GALNT13: variants seen among roughly 807,000 people sequenced by gnomAD.
GALNT13 encodes UDP-GalNAc:polypeptide N-acetylgalactosaminyltransferase 13.
Under a neutral mutation model 64.2 loss-of-function variants are expected in GALNT13, and 28 were observed. That is an observed-to-expected ratio of 0.44 (90% CI 0.32 to 0.60). GALNT13 has a LOEUF of 0.60. Ranked by LOEUF, GALNT13 falls within the 20% of genes least tolerant of loss-of-function variation. The probability of loss-of-function intolerance (pLI) is 0.05; values close to 1 mark genes in which losing one functional copy is unlikely to be tolerated. For missense variants in GALNT13, 577 were observed against 669.8 expected, an observed-to-expected ratio of 0.86 and a Z score of 1.53; for synonymous variants, 214 against 224.6, an observed-to-expected ratio of 0.95 and a Z score of 0.42.
the GALNT13 span, among the ~76,000 whole-genome samples, chr2:153,706,777 G>A: frequency 6.6e-6 from 1 of 152,128 alleles, no homozygotes. Context: ...TGGAAAACAA[G>A]GAAGGTTGTA....
chr2:153,165,234 T>A, the GALNT13 span, among the ~76,000 whole-genome samples: 1 of 152,182 alleles, frequency 6.6e-6, no homozygotes, highest in African/African-American at 2.4e-5. Context: ...TATAAAACTG[T>A]GGTGAAAGAT....
chr2:153,194,738 A>C, the GALNT13 span, among the ~76,000 whole-genome samples: 1 of 152,146 alleles, frequency 6.6e-6, no homozygotes, highest in African/African-American at 2.4e-5. Context: ...GTAGAGAAAG[A>C]CTTTTTTCCT....
At chr2:153,075,630 T>A in the GALNT13 span, among the ~76,000 whole-genome samples, 2 of 152,170 alleles carry the variant, frequency 1.3e-5, no homozygotes, top group African/African-American at 4.8e-5. Context: ...TTTTAAGGAA[T>A]TGAGTTTTTT....
At chr2:153,613,221 A>G in the GALNT13 span, among the ~76,000 whole-genome samples, 29,628 of 152,078 alleles carry the variant, frequency 0.19, 3,070 homozygotes, top group African/African-American at 0.25. Flanking sequence ...GAATCAGTGC[A>G]TATTTAAGAT....
the GALNT13 span, among the ~76,000 whole-genome samples, chr2:153,179,734 T>C: frequency 1.3e-5 from 2 of 152,146 alleles, no homozygotes; most frequent in East Asian, 1.9e-4. Flanking sequence ...TTCATTAACA[T>C]TTTATAGTTT....
the GALNT13 span, among the ~76,000 whole-genome samples, chr2:153,836,998 C>T: frequency 1.3e-5 from 2 of 151,522 alleles, no homozygotes; most frequent in Non-Finnish European, 2.9e-5. Flanking sequence ...AGCAGCATGA[C>T]TTATAGTCCT....
At position 154,071,476 on chromosome 2, in the gene GALNT13, A is replaced by G. The variant is rs558201459; in HGVS notation, c.143-68861A>G. Among the ~76,000 whole-genome samples, 3 of 152,282 alleles carry G rather than the reference A, an allele frequency of 2.0e-5. No individual in the cohort carries two copies. In the South Asian group the frequency reaches 6.2e-4, roughly 32 times the overall value. On this transcript the variant is annotated intron_variant, in intron 3 of 12. Coordinates refer to ENST00000392825, the MANE Select transcript of GALNT13 (RefSeq NM_052917.4). The stretch of plus-strand genomic sequence containing the variant: ...ACAGAAAAAACATACATGCAATTTC[A>G]TCTTTTTGTTGTGGATTATATTTTT...
At chr2:153,313,348 C>A in the GALNT13 span, among the ~76,000 whole-genome samples, 1 of 152,046 alleles carries the variant, frequency 6.6e-6, no homozygotes, top group Non-Finnish European at 1.5e-5. Flanking sequence ...ACATATACAC[C>A]ATGAAATACT....
chr2:154,408,391 T>C (rs1479199080), intron 10 of GALNT13, among the ~76,000 whole-genome samples: 1 of 152,048 alleles, frequency 6.6e-6, no homozygotes, highest in Admixed American at 6.6e-5. Context: ...TTTAGCATTG[T>C]AATAGCTTTC....
intron 3 of GALNT13, among the ~76,000 whole-genome samples, chr2:154,097,657 T>C (rs1702141473): frequency 6.6e-6 from 1 of 151,308 alleles, no homozygotes; most frequent in Non-Finnish European, 1.5e-5. Flanking sequence ...ACCATTAGAC[T>C]CTGAAAGCTC....
the GALNT13 span, among the ~76,000 whole-genome samples, chr2:153,145,260 G>A: frequency 4.0e-5 from 6 of 151,752 alleles, no homozygotes; most frequent in African/African-American, 1.2e-4. Flanking sequence ...TTGGTCGTTA[G>A]AACAAAATAG....
the GALNT13 span, among the ~76,000 whole-genome samples, chr2:153,313,408 G>A: frequency 6.6e-6 from 1 of 152,142 alleles, no homozygotes; most frequent in Non-Finnish European, 1.5e-5. Flanking sequence ...GGATATGGAT[G>A]GAGCTGGAGG....
the GALNT13 span, among the ~76,000 whole-genome samples, chr2:153,215,029 C>T: frequency 1.2e-4 from 18 of 152,092 alleles, no homozygotes; most frequent in Non-Finnish European, 2.1e-4. Context: ...TTTATTATGA[C>T]GATACTCACC....
chr2:153,276,291 A>G, the GALNT13 span, among the ~76,000 whole-genome samples: 1 of 152,104 alleles, frequency 6.6e-6, no homozygotes, highest in African/African-American at 2.4e-5. Flanking sequence ...TACTAAATTT[A>G]TCAAAGTTCA....
chr2:153,858,244 T>A, the GALNT13 span, among the ~76,000 whole-genome samples: 168 of 152,288 alleles, frequency 1.1e-3, no homozygotes, highest in African/African-American at 3.9e-3. Context: ...AAGGCCCAAG[T>A]AGGCCCCAAT....
the GALNT13 span, among the ~76,000 whole-genome samples, chr2:153,434,164 AT>A: frequency 4.6e-5 from 7 of 152,072 alleles, no homozygotes; most frequent in African/African-American, 1.7e-4. Flanking sequence ...TAAACTCATC[AT>A]TTTTTATGGC....
the GALNT13 span, among the ~76,000 whole-genome samples, chr2:153,788,536 A>G: frequency 6.6e-6 from 1 of 152,284 alleles, no homozygotes; most frequent in South Asian, 2.1e-4. Context: ...TAAAGCAACC[A>G]CACAAACAAG....
chr2:153,916,982 T>G (rs935826951), intron 2 of GALNT13, among the ~76,000 whole-genome samples: 1 of 152,210 alleles, frequency 6.6e-6, no homozygotes, highest in African/African-American at 2.4e-5. Flanking sequence ...AAGGTTTCTC[T>G]TTAACCTTTG....
At chr2:154,158,075 A>G (rs750137847) in intron 4 of GALNT13, among the ~76,000 whole-genome samples, 24 of 152,086 alleles carry the variant, frequency 1.6e-4, no homozygotes, top group Non-Finnish European at 2.9e-4. Context: ...TAGTGTGTCA[A>G]TGTTCAATAT....
Sources: allele counts gnomAD v4.1 joint callset (sites outside exome capture counted in the v4.1 genomes callset), GRCh38; gene constraint gnomAD v4.1.1; transcripts MANE v1.5; gene names NCBI Gene and HGNC (gene_info 2026-07-23, HGNC 2026-07-21).